Variants in EHBP1 observed in about 807,000 individuals in gnomAD.
The protein encoded by EHBP1 is EH domain binding protein 1.
Under a neutral mutation model 144.0 loss-of-function variants are expected in EHBP1, and 55 were observed. The observed-to-expected ratio is 0.38, with a 90% CI of 0.31 to 0.48. The LOEUF (loss-of-function observed/expected upper bound fraction) is 0.48, where lower values mean the gene tolerates loss of function less well. Among genes scored for constraint, EHBP1 ranks in the 20% least tolerant of loss-of-function variants. The pLI, the probability that EHBP1 is intolerant of heterozygous loss-of-function variation, is 0.98. For missense variants in EHBP1, 1,200 were observed against 1,364.2 expected (o/e 0.88, Z 1.90); for synonymous variants, 469 against 472.7 (o/e 0.99, Z 0.10).
chr2:63,038,209 C>T (rs2061523706), intron 20 of EHBP1, among the ~76,000 whole-genome samples: 2 of 152,042 alleles, frequency 1.3e-5, no homozygotes, highest in Non-Finnish European at 1.5e-5. Flanking sequence ...CAGTATTCTT[C>T]TAGTATGCCA....
At chr2:62,840,452 C>G (rs900916813) in intron 7 of EHBP1, among the ~76,000 whole-genome samples, 2 of 146,216 alleles carry the variant, frequency 1.4e-5, no homozygotes, top group African/African-American at 5.0e-5. Flanking sequence ...GTCCAAAACA[C>G]CAAAAGCAAT....
chr2:62,777,467 T>G (rs926143743), intron 5 of EHBP1, among the ~76,000 whole-genome samples: 1 of 152,104 alleles, frequency 6.6e-6, no homozygotes, highest in African/African-American at 2.4e-5. Context: ...CAAAGTCAGT[T>G]AAGACATGCA....
intron 1 of EHBP1, among the ~76,000 whole-genome samples, chr2:62,690,877 T>G (rs2033883560): frequency 6.6e-6 from 1 of 152,212 alleles, no homozygotes. Flanking sequence ...GTGTTTAGAA[T>G]TTTGTCACTG....
rs539729456 is a variant in EHBP1, at chr2:62,727,157, G to A, written c.104+19862G>A. On this transcript the variant is annotated intron_variant, in intron 2 of 22. Transcript: ENST00000431489. Reference sequence around the variant, plus strand: ...ATTACAGGCGTGAGCCACTGCGCCCGGCCTACAAGAACTATTTTTAAAATT... The same window carrying A: ...ATTACAGGCGTGAGCCACTGCGCCCAGCCTACAAGAACTATTTTTAAAATT... 1.3e-3 allele frequency among the ~76,000 whole-genome samples: 203 copies of A among 152,210 alleles called. 1 individual carries two copies. The highest frequency in any genetic ancestry group is 4.5e-3 in the African/African-American group (187 of 41,528).
chr2:62,716,373 C>G (rs571698234), intron 2 of EHBP1, among the ~76,000 whole-genome samples: 1 of 152,154 alleles, frequency 6.6e-6, no homozygotes, highest in Non-Finnish European at 1.5e-5. Context: ...TTTGTAGATT[C>G]TAAGAGCTGG....
intron 7 of EHBP1, among the ~76,000 whole-genome samples, chr2:62,831,615 G>GCA (rs2046828562): frequency 6.6e-6 from 1 of 152,136 alleles, no homozygotes; most frequent in Admixed American, 6.5e-5. Flanking sequence ...AAGCTTCCAT[G>GCA]CAGGTATTCC....
intron 10 of EHBP1, among the ~76,000 whole-genome samples, chr2:62,917,383 C>A (rs990035900): frequency 5.3e-5 from 8 of 152,102 alleles, no homozygotes; most frequent in African/African-American, 1.9e-4. Context: ...TATATGTAAT[C>A]TGTCATTGAC....
intron 8 of EHBP1, among the ~76,000 whole-genome samples, chr2:62,862,743 CCT>C (rs2049681207): frequency 6.6e-6 from 1 of 152,184 alleles, no homozygotes; most frequent in Non-Finnish European, 1.5e-5. Flanking sequence ...TTCCTGCCTT[CCT>C]CTCACAGAAT....
intron 5 of EHBP1, among the ~76,000 whole-genome samples, chr2:62,786,056 G>A (rs1284895844): frequency 6.6e-6 from 1 of 152,162 alleles, no homozygotes; most frequent in Non-Finnish European, 1.5e-5. Flanking sequence ...GTGCAGCAAT[G>A]CTTGCTGGAA....
intron 10 of EHBP1, among the ~76,000 whole-genome samples, chr2:62,878,477 C>A (rs2051081351): frequency 6.6e-6 from 1 of 152,162 alleles, no homozygotes; most frequent in African/African-American, 2.4e-5. Context: ...AGACCAACAT[C>A]CTTCTGATAC....
chr2:63,045,309 C>A lies in EHBP1; in HGVS notation c.3393-101C>A. 2 of 1,371,056 alleles carry A rather than the reference C, an allele frequency of 1.5e-6. No homozygotes were observed. Among genetic ancestry groups the A allele is most frequent in the Admixed American group, 1.9e-5 (1 of 52,276 alleles). 84.9% of individuals were successfully genotyped at this position (1,371,056 alleles called of 1,614,324 possible). A position where few individuals can be genotyped will look rare whatever the true frequency, so the allele number is the denominator to read the frequency against. On this transcript the variant is annotated intron_variant, in intron 22 of 22. Coordinates refer to ENST00000431489, the MANE Select transcript of EHBP1 (RefSeq NM_001142616.3). This position sits in a 1 kb window ranked among gnomAD's most constrained non-coding sequence, Gnocchi z 5.7. ...CCCACTGGCCTGGTGCTCCCCATTC[C>A]CGCTGGGGATCCAAATACTGGGCGA... is the stretch of plus-strand genomic sequence containing the variant.
At chr2:62,925,912 T>C (rs1334308783) in intron 10 of EHBP1, among the ~76,000 whole-genome samples, 1 of 152,138 alleles carries the variant, frequency 6.6e-6, no homozygotes, top group East Asian at 1.9e-4. Context: ...AAACAGAATT[T>C]ATATGAACCC....
At chr2:62,955,696 T>A (rs1200569688) in intron 14 of EHBP1, 36 bp downstream of exon 14, 1 of 1,574,342 alleles carries the variant, frequency 6.4e-7, no homozygotes, top group South Asian at 1.2e-5. Context: ...CATAAGTTGT[T>A]CATTGTAATC....
chr2:62,901,661 T>TA (rs5831648), intron 10 of EHBP1, among the ~76,000 whole-genome samples: 72 of 144,506 alleles, frequency 5.0e-4, no homozygotes, highest in South Asian at 6.5e-4. Flanking sequence ...ACACTTAGTT[T>TA]AAAAAAAAAA....
At chr2:62,770,537 G>A (rs937015699) in intron 4 of EHBP1, among the ~76,000 whole-genome samples, 4 of 152,130 alleles carry the variant, frequency 2.6e-5, no homozygotes, top group Non-Finnish European at 5.9e-5. Flanking sequence ...GGAGAAAAGG[G>A]AACACTTATA....
rs553055275 is a variant in EHBP1, at chr2:62,922,968, G to A, written c.1186-19750G>A. On this transcript the variant is annotated intron_variant, in intron 10 of 22. Transcript: ENST00000431489. ...CAGTCTCCATTTGGATAGCTACCAG[G>A]AAATCATGCAGCTGCATTGCCCCAG... is the stretch of plus-strand genomic sequence containing the variant. Among the ~76,000 whole-genome samples the A allele has an allele frequency of 7.2e-4, 109 of 152,282 alleles. 2 individuals are homozygous for A. The highest frequency in any genetic ancestry group is 2.0e-3 in the African/African-American group (82 of 41,536).
At chr2:62,703,571 T>C (rs1245590224), upstream of EHBP1, among the ~76,000 whole-genome samples, 2 of 152,186 alleles carry the variant, frequency 1.3e-5, no homozygotes, top group African/African-American at 4.8e-5. Flanking sequence ...CTTAATTCCT[T>C]CACTCATTTA....
chr2:62,964,244 CAA>C (rs2058133909), intron 14 of EHBP1, among the ~76,000 whole-genome samples: 1 of 152,022 alleles, frequency 6.6e-6, no homozygotes, highest in African/African-American at 2.4e-5. Flanking sequence ...CCCCTAGCCT[CAA>C]AAGTCTTATT....
chr2:62,723,224 C>G (rs532863531), intron 2 of EHBP1, among the ~76,000 whole-genome samples: 1 of 152,302 alleles, frequency 6.6e-6, no homozygotes, highest in East Asian at 1.9e-4. Context: ...GAACCCTTTA[C>G]CATTATGTAA....
Sources: gnomAD v4.1 joint callset for allele counts (sites outside exome capture counted in the v4.1 genomes callset) on GRCh38, gnomAD v4.1.1 for gene constraint, Gnocchi (gnomAD v3.1) non-coding constraint, MANE v1.5 for transcripts, NCBI Gene and HGNC (gene_info 2026-07-23, HGNC 2026-07-21) for gene names.